Variants in ARHGEF18 observed in about 807,000 individuals in gnomAD.
ARHGEF18 encodes Rho/Rac guanine nucleotide exchange factor 18.
In ARHGEF18, 93 loss-of-function variants were observed where a neutral mutation model predicts 155.7. The ratio of observed to expected loss-of-function variants is 0.60; its 90% CI spans 0.50 to 0.71. The LOEUF is 0.71. ARHGEF18 is among the 30% of genes least tolerant of loss of function. The pLI is 0.00. For synonymous variants in ARHGEF18, 742 were observed against 753.1 expected (o/e 0.99, Z 0.24); for missense variants, 1,593 against 1,816.1 (o/e 0.88, Z 2.23).
chr19:7,399,617 A>G (rs1288638577), intron 10 of ARHGEF18, among the ~76,000 whole-genome samples: 1 of 151,656 alleles, frequency 6.6e-6, no homozygotes, highest in African/African-American at 2.4e-5. Flanking sequence ...AGTAGCTGGG[A>G]CTACAGGTGC....
chr19:7,406,710 T>C (rs1466955514), intron 10 of ARHGEF18, among the ~76,000 whole-genome samples: 3 of 152,176 alleles, frequency 2.0e-5, no homozygotes, highest in East Asian at 3.9e-4. Flanking sequence ...TGAAGGTCTT[T>C]GCAAGGTTCT....
chr19:7,359,835 G>T (rs1173750650), intron 1 of ARHGEF18, among the ~76,000 whole-genome samples: 1 of 151,834 alleles, frequency 6.6e-6, no homozygotes, highest in African/African-American at 2.4e-5. Context: ...AGCTCAACCT[G>T]TTCCTCGGTC....
At position 7,465,440 on chromosome 19, in the gene ARHGEF18, ACT is replaced by A. The variant is rs575211048; in HGVS notation, c.2904+753_2904+754del. On this transcript the variant is annotated intron_variant, in intron 23 of 28. Transcript: ENST00000668164. ...TTTTTTTTTTTGGAGACAAGGTCTC[ACT>A]CTGTCACCCAGGCTTGAGGGCAGTG... Among the ~76,000 whole-genome samples the A allele has an allele frequency of 8.1e-3, 1,131 of 140,348 alleles. 7 individuals are homozygous for A. The highest frequency in any genetic ancestry group is 0.013 in the Non-Finnish European group (851 of 65,766). The allele number at this position is 140,348 out of a possible 152,430, so 92.1% of individuals were successfully genotyped here.
At chr19:7,397,954 G>A (rs1364322190) in intron 10 of ARHGEF18, among the ~76,000 whole-genome samples, 2 of 152,186 alleles carry the variant, frequency 1.3e-5, no homozygotes, top group East Asian at 3.8e-4. Context: ...AAATGCAAGA[G>A]GAGCGGATGT....
rs541252424 is a variant in ARHGEF18 at position 7,379,577 on chromosome 19, C to G, written c.644+411C>G. Among the ~76,000 whole-genome samples the G allele has an allele frequency of 2.0e-5, 3 of 151,872 alleles. No homozygotes were observed. In the East Asian group the frequency reaches 5.9e-4, roughly 30 times the overall value. ...CTGTCTCAAAAAAATAGAAAAAAGA[C>G]AAGGCTGGGTTCAAGGGAAGAAAAA... is the stretch of plus-strand genomic sequence containing the variant. On this transcript the variant is annotated intron_variant, in intron 7 of 28. Coordinates refer to ENST00000668164, the MANE Select transcript of ARHGEF18 (RefSeq NM_001367823.1).
chr19:7,411,612 G>A (rs958112556), intron 10 of ARHGEF18, among the ~76,000 whole-genome samples: 2 of 151,986 alleles, frequency 1.3e-5, no homozygotes, highest in Non-Finnish European at 2.9e-5. Flanking sequence ...CAGCCAAGTG[G>A]CATCTTTTTT....
Position 7,447,201 on chromosome 19 carries a change from T to C in ARHGEF18, c.1737+33T>C, listed in dbSNP as rs1484017520. 1.1e-5 allele frequency: 17 copies of C among 1,566,376 alleles called. No individual in the cohort carries two copies. In the Middle Eastern group the frequency reaches 7.6e-4, roughly 70 times the overall value. On this transcript the variant is annotated intron_variant, in intron 15 of 28. Coordinates refer to ENST00000668164, the MANE Select transcript of ARHGEF18 (RefSeq NM_001367823.1). ...CAATTTTTTTTTTTAATCAAAAACT[T>C]ATATTCTGGCCGGGCGCAGTGGCTC...
intron 10 of ARHGEF18, among the ~76,000 whole-genome samples, chr19:7,428,845 G>A (rs1376275031): frequency 6.6e-6 from 1 of 152,224 alleles, no homozygotes; most frequent in Non-Finnish European, 1.5e-5. Context: ...GGCCGTGGTA[G>A]CCTGCATGGC....
At chr19:7,459,173 G>C (rs1277922468) in intron 19 of ARHGEF18, among the ~76,000 whole-genome samples, 1 of 152,064 alleles carries the variant, frequency 6.6e-6, no homozygotes, top group Non-Finnish European at 1.5e-5. Context: ...GCCTCCCCGA[G>C]TAGCTGGGAT....
chr19:7,365,806 T>G (rs1969861271), intron 2 of ARHGEF18, among the ~76,000 whole-genome samples: 1 of 152,126 alleles, frequency 6.6e-6, no homozygotes, highest in Non-Finnish European at 1.5e-5. Flanking sequence ...CCTCCATTTC[T>G]GTGCATTGCA....
chr19:7,390,521 A>G (rs1319041325), intron 10 of ARHGEF18: 1 of 134,912 alleles, frequency 7.4e-6, no homozygotes, highest in African/African-American at 2.6e-5. Flanking sequence ...AAAAAAAAAA[A>G]AAAGAAAAAA....
chr19:7,420,306 T>C (rs367916117), intron 10 of ARHGEF18, among the ~76,000 whole-genome samples: 15 of 152,296 alleles, frequency 9.8e-5, no homozygotes, highest in East Asian at 9.6e-4. Context: ...TCTGTTGCCC[T>C]GGCTGGAGTG....
intron 2 of ARHGEF18, among the ~76,000 whole-genome samples, chr19:7,363,221 T>G (rs1969704455): frequency 6.6e-6 from 1 of 151,082 alleles, no homozygotes; most frequent in African/African-American, 2.4e-5. Context: ...AGTAGAAGGA[T>G]GGATGGATGG....
At chr19:7,466,553 A>C (rs1976621743) in intron 23 of ARHGEF18, among the ~76,000 whole-genome samples, 1 of 150,946 alleles carries the variant, frequency 6.6e-6, no homozygotes, top group Non-Finnish European at 1.5e-5. Flanking sequence ...CTGTAATCCC[A>C]GCACTTTGGG....
In ARHGEF18 at chr19:7,456,330, T is replaced by C. The variant is rs1975824226; in HGVS notation, c.2108T>C (p.Ile703Thr). 4 of 1,614,138 alleles carry C rather than the reference T, an allele frequency of 2.5e-6. No homozygotes were observed. Among genetic ancestry groups the C allele is most frequent in the Non-Finnish European group, 3.4e-6 (4 of 1,179,976 alleles). ...TCCTTCCATGCTGTTTTCCCAGATA[T>C]CCTGGCTATCCTGCTGACCGACGTA... The part of the protein sequence containing the change: ...WKTTSGRLKD[I>T]LAILLTDVLL... The change falls in exon 18 of 29, where the codon ATC becomes ACC. Residue 703 changes from isoleucine (I) to threonine (T), a missense_variant. By Grantham distance (89) the Ile-to-Thr change is moderately conservative. Coordinates refer to ENST00000668164, the MANE Select transcript of ARHGEF18 (RefSeq NM_001367823.1).
chr19:7,351,032 G>C (rs917509069), intron 1 of ARHGEF18, among the ~76,000 whole-genome samples: 5 of 152,108 alleles, frequency 3.3e-5, no homozygotes, highest in African/African-American at 1.2e-4. Context: ...TTGAACTCCT[G>C]ACCTCAGGTG....
rs372394386 is a variant in ARHGEF18, at chr19:7,470,076, C to A, written c.3913+47C>A. The A allele has an allele frequency of 2.7e-5, 44 of 1,611,362 alleles. No homozygotes were observed. The highest frequency in any genetic ancestry group is 3.4e-5 in the Non-Finnish European group (40 of 1,179,180). ...TGAGCCCAGTCCCAGGGCAGCGGGGCTGCGGCACCACCCGGCGACTGCTCA... is the reference window on the plus strand; with the variant it reads ...TGAGCCCAGTCCCAGGGCAGCGGGGATGCGGCACCACCCGGCGACTGCTCA... On this transcript the variant is annotated intron_variant, in intron 28 of 28. Coordinates refer to ENST00000668164, the MANE Select transcript of ARHGEF18 (RefSeq NM_001367823.1). This position sits in a 1 kb window ranked among gnomAD's most constrained non-coding sequence, Gnocchi z 5.9.
chr19:7,377,392 T>C (rs531421031), intron 5 of ARHGEF18, among the ~76,000 whole-genome samples: 2 of 150,688 alleles, frequency 1.3e-5, no homozygotes, highest in Admixed American at 1.3e-4. Flanking sequence ...TCTTTATCTC[T>C]TTCTTTATCT....
At chr19:7,439,820 C>G in intron 10 of ARHGEF18, 1 of 1,439,264 alleles carries the variant, frequency 6.9e-7, no homozygotes, top group Admixed American at 2.9e-5. Flanking sequence ...CTATTTACAG[C>G]AAACTCAAAC....
Sources: allele counts gnomAD v4.1 joint callset (sites outside exome capture counted in the v4.1 genomes callset), GRCh38; gene constraint gnomAD v4.1.1; non-coding constraint Gnocchi (gnomAD v3.1); transcripts MANE v1.5; gene names NCBI Gene and HGNC (gene_info 2026-07-23, HGNC 2026-07-21).